TRPM3: variants seen among roughly 807,000 people sequenced by gnomAD.
TRPM3 encodes the protein long transient receptor potential channel 3.
In TRPM3, 77 loss-of-function variants were observed where a neutral mutation model predicts 181.2. The observed-to-expected ratio is 0.42, with a 90% confidence interval of 0.35 to 0.51. TRPM3 has a LOEUF of 0.51. Among genes scored for constraint, TRPM3 ranks in the 20% least tolerant of loss-of-function variants. TRPM3 has a pLI of 0.01. For synonymous variants in TRPM3, 745 were observed against 796.4 expected (o/e 0.94, Z 1.09); for missense variants, 1,759 against 2,196.7 (o/e 0.80, Z 3.98).
chr9:71,404,788 C>T (rs7860796), intron 1 of TRPM3, among the ~76,000 whole-genome samples: 3,863 of 152,244 alleles, frequency 0.025, 99 homozygotes, highest in African/African-American at 0.065. Context: ...AACTTCTATG[C>T]CCTAATTTCT....
At chr9:70,869,090 T>A (rs1037131319) in intron 1 of TRPM3, 3 of 981,368 alleles carry the variant, frequency 3.1e-6, no homozygotes, top group East Asian at 1.1e-4. Context: ...AATGCTCTTA[T>A]GACCGCCCAC....
chr9:71,384,751 A>AATT, intron 1 of TRPM3, among the ~76,000 whole-genome samples: 1 of 152,330 alleles, frequency 6.6e-6, no homozygotes, highest in East Asian at 1.9e-4. Context: ...TCAGTCATTA[A>AATT]ATTCTGTAAG....
chr9:70,893,015 A>G (rs1246414033), intron 1 of TRPM3, among the ~76,000 whole-genome samples: 1 of 152,192 alleles, frequency 6.6e-6, no homozygotes, highest in Non-Finnish European at 1.5e-5. Flanking sequence ...ATAGCATTTT[A>G]AGCAAGCACA....
At position 70,969,368 on chromosome 9, in the gene TRPM3, A is replaced by G. The variant is rs547368308; in HGVS notation, c.178-104857T>C. On this transcript the variant is annotated intron_variant, in intron 1 of 25. Transcript: ENST00000677713. ...CAGCAAACCACCATGTCACGTGTACACCTACATAATGAAACTGCACATTTG... is the reference window on the plus strand; with the variant it reads ...CAGCAAACCACCATGTCACGTGTACGCCTACATAATGAAACTGCACATTTG... Among the ~76,000 whole-genome samples the G allele has an allele frequency of 5.9e-4, 90 of 152,144 alleles. 1 individual carries two copies. In the South Asian group the frequency reaches 0.018, roughly 31 times the overall value.
chr9:70,933,985 C>G lies in TRPM3; in HGVS notation c.178-69474G>C, dbSNP rs141518807. On this transcript the variant is annotated intron_variant, in intron 1 of 25. Coordinates refer to ENST00000677713, the MANE Select transcript of TRPM3 (RefSeq NM_001366145.2). ...GTGTGGTGGAAAGCTGAGGAAGTTA[C>G]CATCTTAGGGGTTCAATTTTCTCTT... 5.1e-3 allele frequency among the ~76,000 whole-genome samples: 777 copies of G among 152,128 alleles called. 5 individuals are homozygous for G. The highest frequency in any genetic ancestry group is 8.4e-3 in the Non-Finnish European group (568 of 67,990).
intron 1 of TRPM3, among the ~76,000 whole-genome samples, chr9:71,256,526 GA>G (rs112584223): frequency 0.012 from 1,759 of 150,408 alleles, 31 homozygotes; most frequent in African/African-American, 0.04. Context: ...GTATGGAGGG[GA>G]AAAAAAAAGA....
At chr9:71,222,028 G>C (rs1390511844) in intron 1 of TRPM3, among the ~76,000 whole-genome samples, 2 of 152,140 alleles carry the variant, frequency 1.3e-5, no homozygotes, top group Non-Finnish European at 2.9e-5. Flanking sequence ...CTCTTGAAAA[G>C]CAAGAATTAT....
chr9:71,353,144 G>T (rs953864975), intron 1 of TRPM3, among the ~76,000 whole-genome samples: 9 of 151,696 alleles, frequency 5.9e-5, no homozygotes, highest in African/African-American at 2.2e-4. Context: ...CATCCTTCAG[G>T]TTACTGCTTA....
chr9:71,411,979 T>C lies in TRPM3; in HGVS notation c.183+34674A>G, dbSNP rs2131459718. 2.6e-5 allele frequency among the ~76,000 whole-genome samples: 4 copies of C among 152,014 alleles called. No homozygotes were observed. In the East Asian group the frequency reaches 5.8e-4, roughly 22 times the overall value. ...ACCATCTGATCTTTGACAAATCTGA[T>C]GAAAACAAGAAATGGGGAAAGGATT... On this transcript the variant is annotated intron_variant, in intron 1 of 24. Coordinates refer to the TRPM3 transcript ENST00000357533.
chr9:71,130,468 T>G (rs1241779567), intron 1 of TRPM3, among the ~76,000 whole-genome samples: 1 of 152,096 alleles, frequency 6.6e-6, no homozygotes, highest in East Asian at 1.9e-4. Flanking sequence ...ATAAGTAAAA[T>G]TATATGGTTA....
chr9:70,890,340 TAA>T (rs1194951552), intron 1 of TRPM3, among the ~76,000 whole-genome samples: 1 of 151,802 alleles, frequency 6.6e-6, no homozygotes, highest in African/African-American at 2.4e-5. Context: ...AAAAAATATA[TAA>T]GTTAGAGACT....
intron 8 of TRPM3, among the ~76,000 whole-genome samples, chr9:70,690,595 T>C: frequency 6.6e-6 from 1 of 152,076 alleles, no homozygotes; most frequent in East Asian, 1.9e-4. Context: ...CCTCCAGGGC[T>C]AGGGAGAAGC....
At chr9:70,926,224 AT>A (rs2096720172) in intron 1 of TRPM3, among the ~76,000 whole-genome samples, 2 of 152,102 alleles carry the variant, frequency 1.3e-5, no homozygotes, top group Non-Finnish European at 2.9e-5. Context: ...TAAATTATAA[AT>A]CTGAGCTTGG....
At chr9:70,936,045 CA>C in intron 1 of TRPM3, among the ~76,000 whole-genome samples, 1 of 152,304 alleles carries the variant, frequency 6.6e-6, no homozygotes, top group Admixed American at 6.5e-5. Context: ...ATTGCCTTTG[CA>C]ATGGAATTAA....
intron 22 of TRPM3, among the ~76,000 whole-genome samples, chr9:70,588,616 C>A (rs1202058434): frequency 6.6e-6 from 1 of 152,118 alleles, no homozygotes; most frequent in Non-Finnish European, 1.5e-5. Flanking sequence ...GGCTGTGGGT[C>A]CAGGCGGATA....
chr9:70,995,911 C>T (rs1180139218), intron 1 of TRPM3, among the ~76,000 whole-genome samples: 1 of 152,298 alleles, frequency 6.6e-6, no homozygotes, highest in African/African-American at 2.4e-5. Flanking sequence ...AAACTTTAAT[C>T]TTGTCACTTT....
chr9:70,852,161 A>AG (rs1491424847), intron 3 of TRPM3, among the ~76,000 whole-genome samples: 3 of 148,504 alleles, frequency 2.0e-5, no homozygotes, highest in Non-Finnish European at 3.0e-5. Flanking sequence ...AAAAAGAGAG[A>AG]AAAAAAATCC....
chr9:71,302,567 G>T (rs1410440246), intron 1 of TRPM3, among the ~76,000 whole-genome samples: 3 of 152,176 alleles, frequency 2.0e-5, no homozygotes, highest in Non-Finnish European at 4.4e-5. Flanking sequence ...CAAGCGAAAG[G>T]TAGAATGCAG....
At chr9:71,285,117 T>C (rs1442336907) in intron 1 of TRPM3, among the ~76,000 whole-genome samples, 3 of 152,310 alleles carry the variant, frequency 2.0e-5, no homozygotes, top group Non-Finnish European at 2.9e-5. Context: ...TGTTTACATA[T>C]TTGCATGTTT....
Sources: gnomAD v4.1 joint callset for allele counts (sites outside exome capture counted in the v4.1 genomes callset) on GRCh38, gnomAD v4.1.1 for gene constraint, MANE v1.5 for transcripts, NCBI Gene and HGNC (gene_info 2026-07-23, HGNC 2026-07-21) for gene names.